The following ATP6V0D2 variants were observed in gnomAD, a reference collection of about 807,000 sequenced individuals.
ATP6V0D2 encodes the protein V-type proton ATPase subunit d 2.
ATP6V0D2 carries 40 observed loss-of-function variants against 40.0 expected under a neutral mutation model. The ratio of observed to expected loss-of-function variants is 1.00; its 90% CI spans 0.78 to 1.30. ATP6V0D2 has a LOEUF of 1.30. Ranked by LOEUF, ATP6V0D2 falls within the 50% of genes most tolerant of loss-of-function variation. The pLI is 0.00. For synonymous variants in ATP6V0D2, 179 were observed against 156.3 expected (o/e 1.15, Z -1.08); for missense variants, 470 against 423.1 (o/e 1.11, Z -0.97).
At chr8:86,115,179 A>G (rs2130240670) in intron 2 of ATP6V0D2, among the ~76,000 whole-genome samples, 1 of 152,142 alleles carries the variant, frequency 6.6e-6, no homozygotes, top group South Asian at 2.1e-4. Context: ...GAAAGCCTGG[A>G]AAAATAGAGG....
chr8:86,101,462 G>GAAAAAA (rs59915079), intron 1 of ATP6V0D2, among the ~76,000 whole-genome samples: 2 of 78,190 alleles, frequency 2.6e-5, no homozygotes, highest in African/African-American at 4.5e-5. Flanking sequence ...CCTGTCTCAG[G>GAAAAAA]AAAAAAAAAA....
chr8:86,105,891 G>C (rs1386724594), intron 1 of ATP6V0D2, among the ~76,000 whole-genome samples: 1 of 151,976 alleles, frequency 6.6e-6, no homozygotes. Flanking sequence ...TGGGATTATA[G>C]ACGTGAGCCA....
At chr8:86,111,422 T>C (rs1818526987) in intron 1 of ATP6V0D2, among the ~76,000 whole-genome samples, 1 of 152,196 alleles carries the variant, frequency 6.6e-6, no homozygotes, top group South Asian at 2.1e-4. Flanking sequence ...GATTTCTTTC[T>C]TTTTGAAGGC....
At chr8:86,149,783 T>C (rs1295244309) in intron 5 of ATP6V0D2, among the ~76,000 whole-genome samples, 1 of 152,116 alleles carries the variant, frequency 6.6e-6, no homozygotes. Flanking sequence ...GTATTCTCCT[T>C]TTTATAGAAG....
At chr8:86,113,932 C>A (rs1396414077) in intron 2 of ATP6V0D2, 52 bp downstream of exon 2, 50 of 1,501,298 alleles carry the variant, frequency 3.3e-5, no homozygotes, top group Non-Finnish European at 3.9e-5. Context: ...GTGCGGATGA[C>A]CCCTAACAAT....
intron 2 of ATP6V0D2, among the ~76,000 whole-genome samples, chr8:86,133,740 G>C (rs1470863527): frequency 6.6e-6 from 1 of 152,086 alleles, no homozygotes; most frequent in Non-Finnish European, 1.5e-5. Flanking sequence ...CCCTTACCCG[G>C]CTGTAAGTGG....
intron 6 of ATP6V0D2, 94 bp from the exon 7 acceptor site, chr8:86,151,372 T>C (rs2129647151): frequency 1.1e-6 from 1 of 894,602 alleles, no homozygotes; most frequent in East Asian, 3.0e-5. Flanking sequence ...TTTTTTTAAA[T>C]AGGTACACAA....
chr8:86,112,016 A>G (rs985801935), intron 1 of ATP6V0D2, among the ~76,000 whole-genome samples: 2 of 152,208 alleles, frequency 1.3e-5, no homozygotes, highest in East Asian at 3.8e-4. Flanking sequence ...CACATAATAG[A>G]TGCTTAATAA....
rs2129650193 is a variant in ATP6V0D2, at chr8:86,152,999, T to C, written c.*22T>C. On this transcript the variant is annotated 3_prime_UTR_variant, in exon 8 of 8. Coordinates refer to ENST00000285393, the MANE Select transcript of ATP6V0D2 (RefSeq NM_152565.1). ...ATAACCCAAGTAAGGTTCTCAAATG[T>C]AGAAAATTATAAATGTTAAAAGGAA... The C allele has an allele frequency of 4.5e-6, 7 of 1,541,810 alleles. No individual in the cohort carries two copies. Among genetic ancestry groups the C allele is most frequent in the East Asian group, 4.6e-5 (2 of 43,662 alleles).
intron 2 of ATP6V0D2, among the ~76,000 whole-genome samples, chr8:86,124,066 G>A (rs1818708605): frequency 6.6e-6 from 1 of 152,038 alleles, no homozygotes; most frequent in South Asian, 2.1e-4. Flanking sequence ...ACACCACCAT[G>A]CCCTTGTGAT....
intron 5 of ATP6V0D2, among the ~76,000 whole-genome samples, chr8:86,148,288 T>G (rs993817737): frequency 6.6e-6 from 1 of 152,184 alleles, no homozygotes; most frequent in Non-Finnish European, 1.5e-5. Flanking sequence ...TTATATTCAG[T>G]AGCCAGAGAC....
chr8:86,128,140 G>C (rs111985282), intron 2 of ATP6V0D2, among the ~76,000 whole-genome samples: 1 of 151,992 alleles, frequency 6.6e-6, no homozygotes, highest in Non-Finnish European at 1.5e-5. Flanking sequence ...AGGCTGAGGC[G>C]GGCAGAGACC....
chr8:86,114,405 C>T (rs1818566990), intron 2 of ATP6V0D2, among the ~76,000 whole-genome samples: 2 of 152,222 alleles, frequency 1.3e-5, no homozygotes, highest in African/African-American at 4.8e-5. Context: ...GGAGCTGCGG[C>T]TCATGCCTGT....
At chr8:86,113,461 T>C (rs1178047272) in intron 1 of ATP6V0D2, among the ~76,000 whole-genome samples, 1 of 152,208 alleles carries the variant, frequency 6.6e-6, no homozygotes, top group African/African-American at 2.4e-5. Context: ...CTGCCTGGGC[T>C]ACAGAGGGAG....
intron 5 of ATP6V0D2, 86 bp from the exon 6 acceptor site, chr8:86,150,026 T>C: frequency 7.9e-7 from 1 of 1,264,298 alleles, no homozygotes; most frequent in South Asian, 1.4e-5. Context: ...AGCGAATCAT[T>C]TCAGAAATGA....
intron 2 of ATP6V0D2, among the ~76,000 whole-genome samples, chr8:86,117,649 T>C (rs1818607316): frequency 6.6e-6 from 1 of 152,216 alleles, no homozygotes; most frequent in South Asian, 2.1e-4. Context: ...TTCACAAATA[T>C]ACATACAGCT....
chr8:86,103,706 T>C (rs1262804994), intron 1 of ATP6V0D2, among the ~76,000 whole-genome samples: 1 of 152,134 alleles, frequency 6.6e-6, no homozygotes, highest in African/African-American at 2.4e-5. Flanking sequence ...AGGATGGCAA[T>C]TGGGTAGTAC....
chr8:86,112,559 C>T (rs185605066), intron 1 of ATP6V0D2, among the ~76,000 whole-genome samples: 2 of 152,034 alleles, frequency 1.3e-5, no homozygotes, highest in East Asian at 1.9e-4. Flanking sequence ...CAGTACAATA[C>T]CTGGTACCTA....
chr8:86,113,921 C>A, intron 2 of ATP6V0D2, 41 bp downstream of exon 2: 1 of 1,553,164 alleles, frequency 6.4e-7, no homozygotes, highest in Non-Finnish European at 8.7e-7. Context: ...CCAATGTACT[C>A]GTGCGGATGA....
Sources: gnomAD v4.1 joint callset for allele counts (sites outside exome capture counted in the v4.1 genomes callset) on GRCh38, gnomAD v4.1.1 for gene constraint, MANE v1.5 for transcripts, NCBI Gene and HGNC (gene_info 2026-07-23, HGNC 2026-07-21) for gene names.